SYT14: variants seen among roughly 807,000 people sequenced by gnomAD.
The protein encoded by SYT14 is synaptotagmin-14.
In SYT14, 32 loss-of-function variants were observed where a neutral mutation model predicts 74.2. The ratio of observed to expected loss-of-function variants is 0.43; its 90% CI spans 0.33 to 0.58. The LOEUF is 0.58. Among genes scored for constraint, SYT14 ranks in the 20% least tolerant of loss-of-function variants. The pLI, the probability that SYT14 is intolerant of heterozygous loss-of-function variation, is 0.05. For synonymous variants in SYT14, 298 were observed against 337.7 expected (o/e 0.88, Z 1.29); for missense variants, 791 against 981.8 (o/e 0.81, Z 2.60).
At chr1:210,021,598 T>C (rs945451595) in intron 5 of SYT14, among the ~76,000 whole-genome samples, 2 of 152,232 alleles carry the variant, frequency 1.3e-5, no homozygotes, top group African/African-American at 4.8e-5. Context: ...TAGGAACTGA[T>C]AGAGTTTAAG....
chr1:210,043,280 G>A (rs1366029645), intron 5 of SYT14, among the ~76,000 whole-genome samples: 1 of 152,116 alleles, frequency 6.6e-6, no homozygotes. Context: ...AAAGGAGAAA[G>A]GCTTCAGTAG....
At chr1:209,971,937 C>G (rs2079262979) in intron 2 of SYT14, among the ~76,000 whole-genome samples, 1 of 152,038 alleles carries the variant, frequency 6.6e-6, no homozygotes, top group Non-Finnish European at 1.5e-5. Flanking sequence ...CCTTGTTTTT[C>G]TGGAATACAT....
intron 2 of SYT14, among the ~76,000 whole-genome samples, chr1:209,971,860 T>C (rs894115313): frequency 3.3e-5 from 5 of 152,168 alleles, no homozygotes; most frequent in Admixed American, 6.5e-5. Flanking sequence ...TTTTGTTGTA[T>C]TTTTGCCAAG....
At chr1:210,061,332 G>T (rs979303373) in intron 5 of SYT14, among the ~76,000 whole-genome samples, 2 of 151,856 alleles carry the variant, frequency 1.3e-5, no homozygotes, top group Non-Finnish European at 2.9e-5. Flanking sequence ...TGAAGCTTCT[G>T]GGAAGAAAAA....
chr1:210,161,889 G>A (rs1055156330), exon 10 of SYT14: 3 of 451,072 alleles, frequency 6.7e-6, no homozygotes, highest in African/African-American at 4.0e-5. Context: ...TTCAGTGATT[G>A]ACTCTTCAAA....
chr1:210,038,306 T>G (rs1415297413), intron 5 of SYT14, among the ~76,000 whole-genome samples: 1 of 152,138 alleles, frequency 6.6e-6, no homozygotes, highest in Non-Finnish European at 1.5e-5. Context: ...CCTACAAGTG[T>G]CCTTTCCAGA....
chr1:210,139,945 AGTT>A (rs2082880948), intron 7 of SYT14, among the ~76,000 whole-genome samples: 1 of 152,144 alleles, frequency 6.6e-6, no homozygotes, highest in Non-Finnish European at 1.5e-5. Context: ...TTTGTGTACA[AGTT>A]GTTGTGTAGA....
chr1:209,954,724 C>T (rs375008477), intron 2 of SYT14, among the ~76,000 whole-genome samples: 2 of 147,816 alleles, frequency 1.4e-5, no homozygotes, highest in East Asian at 2.0e-4. Flanking sequence ...TTTTTTTTTC[C>T]AGAGACAGAT....
chr1:210,159,799 T>G (rs1033065518), intron 9 of SYT14, among the ~76,000 whole-genome samples: 15 of 152,226 alleles, frequency 9.9e-5, no homozygotes, highest in African/African-American at 3.6e-4. Flanking sequence ...AATTTTGATA[T>G]GAAGTACACA....
chr1:210,135,977 C>T (rs2082777517), intron 7 of SYT14, among the ~76,000 whole-genome samples: 2 of 152,148 alleles, frequency 1.3e-5, no homozygotes, highest in South Asian at 4.1e-4. Context: ...GCACTTCTTT[C>T]CTTGGCCATA....
At chr1:210,094,723 C>G in intron 6 of SYT14, 130 bp downstream of exon 5, 2 of 1,109,978 alleles carry the variant, frequency 1.8e-6, no homozygotes, top group Non-Finnish European at 2.6e-6. Context: ...CAGTATCCAT[C>G]CTTAATCTAA....
Position 209,980,859 on chromosome 1 carries a change from A to G in SYT14, c.-486+28103A>G, listed in dbSNP as rs142609697. On this transcript the variant is annotated intron_variant, in intron 2 of 9. Transcript: ENST00000637265. Reference sequence around the variant, plus strand: ...GTTTTGGCTGCTGTAACCTTGTGGTATGGTTTGAAGTTGGGTAGCATGCTG... The same window carrying G: ...GTTTTGGCTGCTGTAACCTTGTGGTGTGGTTTGAAGTTGGGTAGCATGCTG... 3.2e-4 allele frequency among the ~76,000 whole-genome samples: 48 copies of G among 152,244 alleles called. 1 individual carries two copies. The East Asian group carries it at 4.6e-3, about 15-fold the overall frequency.
At chr1:209,967,381 G>A (rs879403292) in intron 2 of SYT14, among the ~76,000 whole-genome samples, 5 of 151,950 alleles carry the variant, frequency 3.3e-5, no homozygotes, top group African/African-American at 7.3e-5. Flanking sequence ...TATATAGTTG[G>A]TATTATTTCT....
chr1:209,951,134 T>C (rs184280839), intron 1 of SYT14, among the ~76,000 whole-genome samples: 141 of 152,334 alleles, frequency 9.3e-4, no homozygotes, highest in African/African-American at 3.2e-3. Flanking sequence ...TGAGAACATT[T>C]AAGGTCTATT....
chr1:210,126,361 A>G (rs1342256010), intron 7 of SYT14, among the ~76,000 whole-genome samples: 1 of 151,384 alleles, frequency 6.6e-6, no homozygotes, highest in East Asian at 1.9e-4. Context: ...AAAAAAATGC[A>G]TAGAAAGGTT....
intron 7 of SYT14, among the ~76,000 whole-genome samples, chr1:210,137,076 A>C (rs563788194): frequency 1.1e-4 from 16 of 152,296 alleles, no homozygotes; most frequent in African/African-American, 3.8e-4. Flanking sequence ...TCCTGGTAAC[A>C]TATGCTTGAA....
intron 5 of SYT14, among the ~76,000 whole-genome samples, chr1:210,057,446 C>T (rs1572226221): frequency 6.6e-6 from 1 of 152,170 alleles, no homozygotes; most frequent in Admixed American, 6.5e-5. Flanking sequence ...ACAGATTAAT[C>T]TTTCTATTTT....
intron 2 of SYT14, among the ~76,000 whole-genome samples, chr1:209,981,002 A>G (rs1390810738): frequency 2.0e-5 from 3 of 152,314 alleles, no homozygotes; most frequent in Middle Eastern, 3.4e-3. Flanking sequence ...TGTTAGTTTA[A>G]TGGGAATAGC....
At chr1:210,137,093 A>T (rs2082802753) in intron 7 of SYT14, among the ~76,000 whole-genome samples, 1 of 152,210 alleles carries the variant, frequency 6.6e-6, no homozygotes, top group South Asian at 2.1e-4. Flanking sequence ...TGAAAATTTT[A>T]TACAAATGAA....
Sources: gnomAD v4.1 joint callset for allele counts (sites outside exome capture counted in the v4.1 genomes callset) on GRCh38, gnomAD v4.1.1 for gene constraint, MANE v1.5 for transcripts, NCBI Gene and HGNC (gene_info 2026-07-23, HGNC 2026-07-21) for gene names.